The following CLNK variants were observed in gnomAD, a reference collection of about 807,000 sequenced individuals.
CLNK encodes cytokine-dependent hematopoietic cell linker.
Under a neutral mutation model 68.6 loss-of-function variants are expected in CLNK, and 74 were observed. That is an observed-to-expected ratio of 1.08 (90% CI 0.89 to 1.31). The LOEUF (loss-of-function observed/expected upper bound fraction) is 1.31. CLNK is among the 50% of genes most tolerant of loss of function. The pLI is 0.00. For missense variants in CLNK, 553 were observed against 515.3 expected (o/e 1.07, Z -0.71); for synonymous variants, 198 against 172.2 (o/e 1.15, Z -1.17).
At chr4:10,567,291 G>A (rs200475163) in intron 5 of CLNK, among the ~76,000 whole-genome samples, 1 of 152,110 alleles carries the variant, frequency 6.6e-6, no homozygotes, top group East Asian at 1.9e-4. Context: ...TTCACACTGA[G>A]GGTTAATTGA....
the CLNK span, among the ~76,000 whole-genome samples, chr4:10,715,970 A>C: frequency 3.3e-5 from 5 of 152,188 alleles, no homozygotes; most frequent in Admixed American, 6.5e-5. Flanking sequence ...CATCAAGAAG[A>C]GGTGAATTCT....
the CLNK span, among the ~76,000 whole-genome samples, chr4:10,693,446 C>T: frequency 4.7e-3 from 715 of 152,290 alleles, 2 homozygotes; most frequent in African/African-American, 0.016. Context: ...AGAAGACAGC[C>T]ATGGGAAGAC....
intron 11 of CLNK, among the ~76,000 whole-genome samples, chr4:10,535,028 T>A (rs1336762970): frequency 6.6e-6 from 1 of 152,032 alleles, no homozygotes; most frequent in Non-Finnish European, 1.5e-5. Context: ...TTGTTTGAAT[T>A]GATGTGATGC....
At chr4:10,614,672 C>A (rs1172436036) in intron 2 of CLNK, among the ~76,000 whole-genome samples, 1 of 152,232 alleles carries the variant, frequency 6.6e-6, no homozygotes, top group African/African-American at 2.4e-5. Context: ...AATCTGTGTG[C>A]ACATTCAAGT....
At chr4:10,650,170 A>G (rs1044451614) in intron 2 of CLNK, among the ~76,000 whole-genome samples, 1 of 152,222 alleles carries the variant, frequency 6.6e-6, no homozygotes, top group Non-Finnish European at 1.5e-5. Flanking sequence ...TAACTCATTA[A>G]CTGATATGTA....
chr4:10,687,141 T>G (rs1280733943), upstream of CLNK, among the ~76,000 whole-genome samples: 5 of 150,908 alleles, frequency 3.3e-5, no homozygotes, highest in African/African-American at 1.2e-4. Flanking sequence ...ATTTAACAAA[T>G]AGATATTTAC....
intron 2 of CLNK, among the ~76,000 whole-genome samples, chr4:10,637,666 C>G (rs1396739132): frequency 7.7e-6 from 1 of 130,398 alleles, no homozygotes; most frequent in Non-Finnish European, 1.5e-5. Context: ...GTGATTTTGG[C>G]TCACTGCAAG....
chr4:10,526,566 G>T (rs116730699), intron 13 of CLNK, among the ~76,000 whole-genome samples: 2 of 152,162 alleles, frequency 1.3e-5, no homozygotes, highest in African/African-American at 4.8e-5. Context: ...CAAAAGGACT[G>T]TTCTGGCAGA....
intron 5 of CLNK, among the ~76,000 whole-genome samples, chr4:10,568,867 A>G (rs895682851): frequency 2.0e-5 from 3 of 152,200 alleles, no homozygotes; most frequent in African/African-American, 7.2e-5. Flanking sequence ...GCGATAATAA[A>G]TGGTCAAGCT....
At chr4:10,659,048 C>T (rs1165971517) in intron 2 of CLNK, among the ~76,000 whole-genome samples, 1 of 152,022 alleles carries the variant, frequency 6.6e-6, no homozygotes, top group East Asian at 1.9e-4. Flanking sequence ...ACAGAAAATA[C>T]AAAAAATGAG....
At chr4:10,520,051 T>G (rs539076726) in intron 15 of CLNK, among the ~76,000 whole-genome samples, 92 of 152,192 alleles carry the variant, frequency 6.0e-4, no homozygotes, top group African/African-American at 2.1e-3. Flanking sequence ...CCTTTTTTTT[T>G]TTTGGCTCAA....
chr4:10,537,621 CTT>C (rs201248412), intron 11 of CLNK, among the ~76,000 whole-genome samples: 4,103 of 143,696 alleles, frequency 0.029, 120 homozygotes, highest in East Asian at 0.068. Flanking sequence ...TTCTCTCTCT[CTT>C]TCTTTCTTTC....
chr4:10,616,687 A>G (rs1340269977), intron 2 of CLNK, among the ~76,000 whole-genome samples: 1 of 151,958 alleles, frequency 6.6e-6, no homozygotes, highest in Non-Finnish European at 1.5e-5. Flanking sequence ...ATTTATAATG[A>G]AGAGTACTGC....
intron 2 of CLNK, among the ~76,000 whole-genome samples, chr4:10,629,060 T>C (rs1722786323): frequency 6.6e-6 from 1 of 152,204 alleles, no homozygotes; most frequent in African/African-American, 2.4e-5. Context: ...GGAAGTCCTC[T>C]TCTTCCCCCT....
Position 10,490,456 on chromosome 4 carries a change from C to T in CLNK, c.*11G>A. 6.2e-7 allele frequency: 1 copy of T among 1,611,246 alleles called. No homozygotes were observed. ...TGAATCCAGTAAACCAAAGATAACACAAAGACCAGGCTACAGAGGCAAGAG... is the reference window on the plus strand; with the variant it reads ...TGAATCCAGTAAACCAAAGATAACATAAAGACCAGGCTACAGAGGCAAGAG... On this transcript the variant is annotated 3_prime_UTR_variant, in exon 19 of 19. Coordinates refer to ENST00000226951, the MANE Select transcript of CLNK (RefSeq NM_052964.4).
chr4:10,686,367 T>C (rs180866398), upstream of CLNK, among the ~76,000 whole-genome samples: 14 of 152,150 alleles, frequency 9.2e-5, no homozygotes, highest in East Asian at 2.7e-3. Flanking sequence ...GAATTTTAGC[T>C]GGGACGTATT....
At chr4:10,511,664 G>A (rs1296839455) in intron 16 of CLNK, among the ~76,000 whole-genome samples, 1 of 152,122 alleles carries the variant, frequency 6.6e-6, no homozygotes, top group Non-Finnish European at 1.5e-5. Flanking sequence ...TGTTTTCAAG[G>A]TTCTTGTATA....
chr4:10,635,049 G>A (rs1036575122), intron 2 of CLNK, among the ~76,000 whole-genome samples: 1 of 152,124 alleles, frequency 6.6e-6, no homozygotes, highest in Non-Finnish European at 1.5e-5. Flanking sequence ...ATCTTATGAA[G>A]CATCTTCTAA....
At chr4:10,583,340 G>A (rs961760668) in intron 4 of CLNK, among the ~76,000 whole-genome samples, 3 of 152,092 alleles carry the variant, frequency 2.0e-5, no homozygotes, top group African/African-American at 7.2e-5. Context: ...AGGCTGGAGT[G>A]CAGTGGGGTG....
Sources: allele counts gnomAD v4.1 joint callset (sites outside exome capture counted in the v4.1 genomes callset), GRCh38; gene constraint gnomAD v4.1.1; transcripts MANE v1.5; gene names NCBI Gene and HGNC (gene_info 2026-07-23, HGNC 2026-07-21).